The following ALCAM variants were observed in gnomAD, a reference collection of about 807,000 sequenced individuals.
The protein encoded by ALCAM is CD166 antigen.
In ALCAM, 30 loss-of-function variants were observed where a neutral mutation model predicts 70.9. The ratio of observed to expected loss-of-function variants is 0.42; its 90% CI spans 0.32 to 0.57. The LOEUF (loss-of-function observed/expected upper bound fraction) is 0.57. Among genes scored for constraint, ALCAM ranks in the 20% least tolerant of loss-of-function variants. ALCAM has a pLI of 0.11. For synonymous variants in ALCAM, 249 were observed against 242.5 expected (o/e 1.03, Z -0.25); for missense variants, 591 against 695.1 (o/e 0.85, Z 1.68).
chr3:105,531,188 TA>T (rs1441412078), intron 3 of ALCAM: 1 of 152,036 alleles, frequency 6.6e-6, no homozygotes, highest in East Asian at 1.9e-4. Flanking sequence ...CAGCTAAGAA[TA>T]AAATAACTTA....
At chr3:105,532,154 G>C in intron 4 of ALCAM, 88 bp downstream of exon 4, 1 of 1,156,892 alleles carries the variant, frequency 8.6e-7, no homozygotes, top group Non-Finnish European at 1.3e-6. Flanking sequence ...AGTAAGAAAG[G>C]CTTTGCTCTT....
intron 1 of ALCAM, among the ~76,000 whole-genome samples, chr3:105,368,260 A>AGAGAGAGAGAGAGAGAGAGAGAGG: frequency 6.8e-6 from 1 of 146,516 alleles, no homozygotes. Context: ...AGAGAGAGAG[A>AGAGAGAGAGAGAGAGAGAGAGAGG]GAGAAAAGGC....
intron 1 of ALCAM, among the ~76,000 whole-genome samples, chr3:105,485,675 A>G (rs571539338): frequency 6.6e-6 from 1 of 152,190 alleles, no homozygotes; most frequent in South Asian, 2.1e-4. Flanking sequence ...ATATATTTAC[A>G]TACTTCGGTT....
In ALCAM at chr3:105,504,894, A is replaced by G. The variant is rs138870174; in HGVS notation, c.74-15173A>G. On this transcript the variant is annotated intron_variant, in intron 1 of 15. Coordinates refer to ENST00000306107, the MANE Select transcript of ALCAM (RefSeq NM_001627.4). Reference sequence around the variant, plus strand: ...GCTCTTCCCTTCCCCCTTCTGTATCATTTAAAGGGACCACGCTCTTCCCTA... The same window carrying G: ...GCTCTTCCCTTCCCCCTTCTGTATCGTTTAAAGGGACCACGCTCTTCCCTA... Among the ~76,000 whole-genome samples the G allele has an allele frequency of 5.9e-3, 891 of 151,938 alleles. 12 individuals carry two copies. The highest frequency in any genetic ancestry group is 6.4e-3 in the Non-Finnish European group (434 of 67,904).
At chr3:105,468,759 G>A (rs2152601889) in intron 1 of ALCAM, among the ~76,000 whole-genome samples, 1 of 151,404 alleles carries the variant, frequency 6.6e-6, no homozygotes, top group African/African-American at 2.4e-5. Flanking sequence ...TTTAAAATGT[G>A]AAGTAGCGTG....
At chr3:105,490,070 A>G (rs979485408) in intron 1 of ALCAM, among the ~76,000 whole-genome samples, 8 of 152,230 alleles carry the variant, frequency 5.3e-5, no homozygotes, top group Non-Finnish European at 8.8e-5. Context: ...CAAAGTAACT[A>G]AGAAGTTTGG....
At chr3:105,492,658 A>C (rs1247125707) in intron 1 of ALCAM, among the ~76,000 whole-genome samples, 1 of 152,216 alleles carries the variant, frequency 6.6e-6, no homozygotes. Context: ...ACTAATATGG[A>C]AACTCCTCGA....
At chr3:105,482,730 A>ATGT (rs1248345373) in intron 1 of ALCAM, among the ~76,000 whole-genome samples, 2 of 152,112 alleles carry the variant, frequency 1.3e-5, no homozygotes, top group Non-Finnish European at 2.9e-5. Context: ...CATTAGAATT[A>ATGT]TGTTGTTCTA....
At chr3:105,421,640 C>T (rs1376997586) in intron 1 of ALCAM, among the ~76,000 whole-genome samples, 1 of 151,342 alleles carries the variant, frequency 6.6e-6, no homozygotes, top group Non-Finnish European at 1.5e-5. Flanking sequence ...TCCTAGGTTC[C>T]ACAGCTGTGA....
At chr3:105,508,811 CT>C (rs2152619027) in intron 1 of ALCAM, among the ~76,000 whole-genome samples, 1 of 47,570 alleles carries the variant, frequency 2.1e-5, no homozygotes, top group African/African-American at 5.7e-5. Flanking sequence ...TCATGCTGTA[CT>C]TTACATTTCT....
chr3:105,512,126 C>G (rs1236085238), intron 1 of ALCAM, among the ~76,000 whole-genome samples: 1 of 151,874 alleles, frequency 6.6e-6, no homozygotes, highest in Non-Finnish European at 1.5e-5. Context: ...GCATTAGAAA[C>G]TTTTGGTTTT....
chr3:105,367,943 G>T (rs1020840934), intron 1 of ALCAM, among the ~76,000 whole-genome samples: 2 of 151,966 alleles, frequency 1.3e-5, no homozygotes, highest in Non-Finnish European at 2.9e-5. Context: ...TTGGTGAGCC[G>T]AGGAAGGGAT....
intron 4 of ALCAM, among the ~76,000 whole-genome samples, chr3:105,533,226 A>T (rs376801707): frequency 3.9e-5 from 6 of 152,294 alleles, no homozygotes; most frequent in African/African-American, 1.4e-4. Context: ...ACACCAAATT[A>T]TTCTTCCGTA....
chr3:105,522,956 G>A (rs1307984909), intron 2 of ALCAM, among the ~76,000 whole-genome samples: 2 of 151,944 alleles, frequency 1.3e-5, no homozygotes, highest in Non-Finnish European at 2.9e-5. Context: ...TGGCTAACAG[G>A]GTGAAACCCC....
intron 1 of ALCAM, among the ~76,000 whole-genome samples, chr3:105,379,494 AC>A (rs1236501087): frequency 5.3e-5 from 8 of 151,824 alleles, no homozygotes; most frequent in Non-Finnish European, 1.0e-4. Context: ...AGAGAAAAAA[AC>A]ACGTGTTAAA....
chr3:105,416,569 G>A lies in ALCAM; in HGVS notation c.73+49088G>A, dbSNP rs145221001. On this transcript the variant is annotated intron_variant, in intron 1 of 15. Transcript: ENST00000306107. ...ATTATTATTATTGATAATAGTAACCGTTATTATGCAATTGCTCCGTATTGC... is the reference window on the plus strand; with the variant it reads ...ATTATTATTATTGATAATAGTAACCATTATTATGCAATTGCTCCGTATTGC... Among the ~76,000 whole-genome samples the A allele has an allele frequency of 1.7e-4, 26 of 151,930 alleles. No homozygotes were observed. In the East Asian group the frequency reaches 5.0e-3, roughly 29 times the overall value.
rs779806545 is a variant in ALCAM at position 105,552,567 on chromosome 3, T to G, written c.1646T>G (p.Leu549Arg). Residue 549 changes from leucine to arginine, a missense_variant, in exon 14 of 16, where the codon CTG becomes CGG. Transcript: ENST00000306107. ...AALVAGVVYW[L>R]YMKKSKTASK... is the part of the protein sequence containing the mutation. ...CTTGTTGCTGGTGTCGTCTACTGGCTGTACATGAAGAAGTCAAAGTGAGTT... is the reference window on the plus strand; with the variant it reads ...CTTGTTGCTGGTGTCGTCTACTGGCGGTACATGAAGAAGTCAAAGTGAGTT... 6.2e-7 allele frequency: 1 copy of G among 1,611,542 alleles called. No individual in the cohort carries two copies. Among genetic ancestry groups the G allele is most frequent in the South Asian group, 1.1e-5 (1 of 91,026 alleles).
chr3:105,386,339 G>C (rs73177478), intron 1 of ALCAM, among the ~76,000 whole-genome samples: 22,964 of 151,580 alleles, frequency 0.15, 1,844 homozygotes, highest in Middle Eastern at 0.2. Flanking sequence ...ACTGCACAAT[G>C]GTTTATGCAT....
At chr3:105,514,907 A>G (rs1471286660) in intron 1 of ALCAM, among the ~76,000 whole-genome samples, 4 of 152,128 alleles carry the variant, frequency 2.6e-5, no homozygotes, top group South Asian at 4.1e-4. Flanking sequence ...AACTACCCCC[A>G]TTTGTTGAAG....
Sources: allele counts gnomAD v4.1 joint callset (sites outside exome capture counted in the v4.1 genomes callset), GRCh38; gene constraint gnomAD v4.1.1; transcripts MANE v1.5; gene names NCBI Gene and HGNC (gene_info 2026-07-23, HGNC 2026-07-21).